Variants in MINDY2 observed in about 807,000 individuals in gnomAD.
MINDY2 encodes MINDY lysine 48 deubiquitinase 2, also known as ubiquitin carboxyl-terminal hydrolase MINDY-2.
MINDY2 carries 52 observed loss-of-function variants against 68.2 expected under a neutral mutation model. The ratio of observed to expected loss-of-function variants is 0.76; its 90% CI spans 0.61 to 0.96. The LOEUF (loss-of-function observed/expected upper bound fraction) is 0.96. Ranked by LOEUF, MINDY2 falls within the 40% of genes least tolerant of loss-of-function variation. MINDY2 has a pLI of 0.00. For synonymous variants in MINDY2, 372 were observed against 303.0 expected (o/e 1.23, Z -2.36); for missense variants, 881 against 773.4 (o/e 1.14, Z -1.65).
At chr15:58,773,298 A>C (rs1182297181) in intron 1 of MINDY2, among the ~76,000 whole-genome samples, 1 of 152,190 alleles carries the variant, frequency 6.6e-6, no homozygotes, top group Non-Finnish European at 1.5e-5. Context: ...AGAAAAAGAA[A>C]AATAACCTGG....
intron 4 of MINDY2, among the ~76,000 whole-genome samples, chr15:58,813,383 T>C (rs1004541474): frequency 3.9e-5 from 6 of 152,022 alleles, no homozygotes; most frequent in African/African-American, 1.4e-4. Flanking sequence ...TAATCCCAGC[T>C]ACTTGGGGAG....
At chr15:58,780,265 G>A (rs1490528527) in intron 1 of MINDY2, among the ~76,000 whole-genome samples, 2 of 152,062 alleles carry the variant, frequency 1.3e-5, no homozygotes, top group Non-Finnish European at 2.9e-5. Context: ...TTAGCCGGGT[G>A]TGGTGGCACA....
At chr15:58,843,002 G>A (rs2032354636) in intron 6 of MINDY2, among the ~76,000 whole-genome samples, 1 of 152,174 alleles carries the variant, frequency 6.6e-6, no homozygotes, top group Admixed American at 6.5e-5. Flanking sequence ...TTAAGTAGGA[G>A]TAGTAATTTC....
intron 4 of MINDY2, among the ~76,000 whole-genome samples, chr15:58,810,919 C>A (rs2030195919): frequency 6.6e-6 from 1 of 152,126 alleles, no homozygotes; most frequent in Non-Finnish European, 1.5e-5. Context: ...GGAAGTTCAC[C>A]CCACCTTCAG....
chr15:58,781,941 A>G (rs1164749122), intron 1 of MINDY2, among the ~76,000 whole-genome samples: 5 of 152,174 alleles, frequency 3.3e-5, no homozygotes, highest in Non-Finnish European at 5.9e-5. Flanking sequence ...GATGGCAAGT[A>G]GAAAGCCAAT....
intron 1 of MINDY2, among the ~76,000 whole-genome samples, 199 bp downstream of exon 1, chr15:58,772,434 G>A (rs1448874788): frequency 1.3e-5 from 2 of 152,200 alleles, no homozygotes; most frequent in Non-Finnish European, 2.9e-5. Flanking sequence ...CCTAACCTCA[G>A]TCTTCTCTTG....
chr15:58,845,698 A>G (rs994757083), intron 6 of MINDY2, among the ~76,000 whole-genome samples: 30 of 152,230 alleles, frequency 2.0e-4, no homozygotes, highest in African/African-American at 7.0e-4. Flanking sequence ...ACTCCTAAGA[A>G]TATACTCAAA....
Position 58,841,890 on chromosome 15 carries a change from T to G in MINDY2, c.1369-5407T>G, listed in dbSNP as rs138198263. On this transcript the variant is annotated intron_variant, in intron 6 of 8. Transcript: ENST00000559228. ...TTTCTGTCCTAGAAACAGACTCATTTAAGTCAGTTTTGCTTCTCATATTAT... is the reference window on the plus strand; with the variant it reads ...TTTCTGTCCTAGAAACAGACTCATTGAAGTCAGTTTTGCTTCTCATATTAT... 3.1e-3 allele frequency among the ~76,000 whole-genome samples: 477 copies of G among 152,298 alleles called. 1 individual carries two copies. The highest frequency in any genetic ancestry group is 0.01 in the African/African-American group (423 of 41,564).
At chr15:58,804,283 C>T (rs1475355046) in intron 3 of MINDY2, among the ~76,000 whole-genome samples, 1 of 152,044 alleles carries the variant, frequency 6.6e-6, no homozygotes, top group Non-Finnish European at 1.5e-5. Context: ...TCCCAGCTTC[C>T]AATATATAAA....
At chr15:58,794,177 G>T (rs1902118767) in intron 2 of MINDY2, among the ~76,000 whole-genome samples, 1 of 151,998 alleles carries the variant, frequency 6.6e-6, no homozygotes, top group Non-Finnish European at 1.5e-5. Flanking sequence ...ATAATTATGG[G>T]CCATAGAATT....
chr15:58,778,586 A>G (rs1900923194), intron 1 of MINDY2, among the ~76,000 whole-genome samples: 1 of 151,342 alleles, frequency 6.6e-6, no homozygotes, highest in South Asian at 2.1e-4. Flanking sequence ...ACTAAAAACT[A>G]AGGGAACTGT....
At chr15:58,784,200 C>T (rs1291146983) in intron 1 of MINDY2, among the ~76,000 whole-genome samples, 1 of 151,972 alleles carries the variant, frequency 6.6e-6, no homozygotes, top group South Asian at 2.1e-4. Context: ...GTGGTGCGTG[C>T]CTGTAGTTCC....
intron 1 of MINDY2, among the ~76,000 whole-genome samples, chr15:58,785,893 C>T (rs1428178085): frequency 2.0e-5 from 3 of 152,038 alleles, no homozygotes; most frequent in African/African-American, 7.2e-5. Flanking sequence ...TGGCCAGGCT[C>T]GTCTCGTACT....
At chr15:58,776,409 G>T (rs1409067077) in intron 1 of MINDY2, among the ~76,000 whole-genome samples, 2 of 152,170 alleles carry the variant, frequency 1.3e-5, no homozygotes, top group Non-Finnish European at 2.9e-5. Flanking sequence ...AATATTAAGG[G>T]TGAGAGAGTG....
chr15:58,797,751 C>G (rs1902380077), intron 2 of MINDY2, among the ~76,000 whole-genome samples: 1 of 152,150 alleles, frequency 6.6e-6, no homozygotes, highest in African/African-American at 2.4e-5. Flanking sequence ...TAGCACTCTA[C>G]TTGACTTTGT....
intron 2 of MINDY2, among the ~76,000 whole-genome samples, chr15:58,800,224 A>G (rs1162693907): frequency 6.6e-6 from 1 of 152,116 alleles, no homozygotes; most frequent in African/African-American, 2.4e-5. Context: ...AGAATATCCC[A>G]TTAGTAGCAA....
At chr15:58,783,049 A>G (rs1901263550) in intron 1 of MINDY2, among the ~76,000 whole-genome samples, 1 of 149,808 alleles carries the variant, frequency 6.7e-6, no homozygotes, top group African/African-American at 2.5e-5. Flanking sequence ...CCTCCTGAGT[A>G]GCTGGGATTA....
chr15:58,779,446 A>T (rs1305990898), intron 1 of MINDY2, among the ~76,000 whole-genome samples: 1 of 152,054 alleles, frequency 6.6e-6, no homozygotes, highest in Non-Finnish European at 1.5e-5. Flanking sequence ...GTTTCCATCT[A>T]GGTTATGCTT....
chr15:58,824,961 C>T (rs187323119), intron 5 of MINDY2, among the ~76,000 whole-genome samples: 12 of 152,280 alleles, frequency 7.9e-5, no homozygotes, highest in Admixed American at 7.2e-4. Context: ...TAAGCCACCT[C>T]GCCCAGCCCA....
Sources: gnomAD v4.1 joint callset for allele counts (sites outside exome capture counted in the v4.1 genomes callset) on GRCh38, gnomAD v4.1.1 for gene constraint, MANE v1.5 for transcripts, NCBI Gene and HGNC (gene_info 2026-07-23, HGNC 2026-07-21) for gene names.